CNBD1: variants seen among roughly 807,000 people sequenced by gnomAD.
CNBD1 encodes cyclic nucleotide binding domain containing 1.
A neutral mutation model predicts 54.4 loss-of-function variants in CNBD1; 71 were observed. The observed-to-expected ratio is 1.30, with a 90% confidence interval of 1.08 to 1.59. The LOEUF is 1.59. CNBD1 is among the 40% of genes most tolerant of loss of function. The pLI, the probability that CNBD1 is intolerant of heterozygous loss-of-function variation, is 0.00. For synonymous variants in CNBD1, 182 were observed against 170.7 expected (o/e 1.07, Z -0.51); for missense variants, 659 against 518.0 (o/e 1.27, Z -2.64).
At chr8:87,310,677 G>A (rs1809245990) in intron 8 of CNBD1, among the ~76,000 whole-genome samples, 1 of 152,054 alleles carries the variant, frequency 6.6e-6, no homozygotes, top group South Asian at 2.1e-4. Flanking sequence ...AATAGCCAAT[G>A]CAATTTTAAG....
At chr8:87,168,437 A>G (rs1813011275) in intron 4 of CNBD1, among the ~76,000 whole-genome samples, 1 of 152,022 alleles carries the variant, frequency 6.6e-6, no homozygotes, top group African/African-American at 2.4e-5. Context: ...ACAATCCAAT[A>G]TACTCTTTCA....
intron 4 of CNBD1, among the ~76,000 whole-genome samples, chr8:87,008,711 A>T (rs1197996533): frequency 6.6e-6 from 1 of 152,346 alleles, no homozygotes; most frequent in East Asian, 1.9e-4. Flanking sequence ...CAATAGGAGC[A>T]ATTAAGAAAG....
chr8:86,948,336 T>G (rs573902695), intron 4 of CNBD1, among the ~76,000 whole-genome samples: 17 of 152,166 alleles, frequency 1.1e-4, no homozygotes, highest in Non-Finnish European at 2.4e-4. Flanking sequence ...ACCTCAATAC[T>G]GTTATTCACA....
chr8:87,141,738 G>A (rs973870229), intron 4 of CNBD1, among the ~76,000 whole-genome samples: 1 of 152,012 alleles, frequency 6.6e-6, no homozygotes, highest in African/African-American at 2.4e-5. Context: ...AAAATGGACA[G>A]GATAAATTAG....
chr8:87,348,222 A>G (rs1249061032), intron 8 of CNBD1, among the ~76,000 whole-genome samples: 1 of 152,192 alleles, frequency 6.6e-6, no homozygotes, highest in South Asian at 2.1e-4. Context: ...AGATGCACTT[A>G]TCTTTAAGAA....
chr8:86,910,393 C>T (rs974590831), intron 3 of CNBD1, among the ~76,000 whole-genome samples: 3 of 152,002 alleles, frequency 2.0e-5, no homozygotes, highest in Non-Finnish European at 4.4e-5. Flanking sequence ...ACCTGTAACA[C>T]TGGAGAGAAA....
At chr8:87,425,054 G>T (rs372790999) in intron 2 of CNBD1, among the ~76,000 whole-genome samples, 1 of 151,460 alleles carries the variant, frequency 6.6e-6, no homozygotes, top group Non-Finnish European at 1.5e-5. Context: ...TTTCCTTCTC[G>T]CTTCATTTCA....
intron 4 of CNBD1, among the ~76,000 whole-genome samples, chr8:86,964,180 G>A (rs1025889235): frequency 3.3e-3 from 1 of 302 alleles, no homozygotes; most frequent in East Asian, 0.17. Context: ...TTCTGAGGAA[G>A]GCAGTGGGAC....
chr8:87,165,351 G>C (rs1366545137), intron 4 of CNBD1, among the ~76,000 whole-genome samples: 4 of 151,910 alleles, frequency 2.6e-5, no homozygotes, highest in African/African-American at 7.2e-5. Context: ...TGAAAATGGG[G>C]TATTATAGTC....
At chr8:87,187,889 C>A (rs1813513263) in intron 4 of CNBD1, among the ~76,000 whole-genome samples, 1 of 152,114 alleles carries the variant, frequency 6.6e-6, no homozygotes, top group Non-Finnish European at 1.5e-5. Flanking sequence ...CCCAGTAATT[C>A]CTCTTAATAA....
chr8:87,297,995 T>C (rs1808912830), intron 8 of CNBD1, among the ~76,000 whole-genome samples: 1 of 151,608 alleles, frequency 6.6e-6, no homozygotes, highest in African/African-American at 2.4e-5. Flanking sequence ...CTTATTAATA[T>C]AGACATTAAC....
At chr8:87,245,300 GTATTA>G (rs1254429842) in intron 6 of CNBD1, among the ~76,000 whole-genome samples, 1 of 151,972 alleles carries the variant, frequency 6.6e-6, no homozygotes, top group African/African-American at 2.4e-5. Context: ...TACAACTCTT[GTATTA>G]TAAGAGCAAT....
At chr8:87,153,759 C>A (rs191506602) in intron 4 of CNBD1, among the ~76,000 whole-genome samples, 90 of 152,272 alleles carry the variant, frequency 5.9e-4, no homozygotes, top group East Asian at 1.3e-3. Flanking sequence ...TCTGCACTTA[C>A]ATAGGATTGA....
At chr8:87,118,188 A>T (rs956071836) in intron 4 of CNBD1, among the ~76,000 whole-genome samples, 1 of 151,566 alleles carries the variant, frequency 6.6e-6, no homozygotes, top group African/African-American at 2.4e-5. Flanking sequence ...GGTGGCATGC[A>T]CCTGTAGACC....
intron 4 of CNBD1, among the ~76,000 whole-genome samples, chr8:87,102,647 T>C (rs1452881319): frequency 6.6e-6 from 1 of 152,138 alleles, no homozygotes; most frequent in Non-Finnish European, 1.5e-5. Flanking sequence ...AGAGTCTCAC[T>C]CTGTTGCCCA....
chr8:87,114,261 T>C (rs1291690118), intron 4 of CNBD1, among the ~76,000 whole-genome samples: 4 of 152,226 alleles, frequency 2.6e-5, no homozygotes, highest in African/African-American at 9.6e-5. Context: ...TGAACATAAG[T>C]GATTCAGTAA....
intron 5 of CNBD1, among the ~76,000 whole-genome samples, chr8:87,210,542 C>G (rs1814074698): frequency 6.6e-6 from 1 of 152,200 alleles, no homozygotes; most frequent in African/African-American, 2.4e-5. Context: ...AACCCTGCTG[C>G]CCTGCATAGC....
intron 4 of CNBD1, among the ~76,000 whole-genome samples, chr8:87,025,305 C>G (rs1017622020): frequency 6.6e-6 from 1 of 152,180 alleles, no homozygotes; most frequent in Non-Finnish European, 1.5e-5. Flanking sequence ...CTGGGGCAAC[C>G]TGGGTCCCCT....
chr8:87,264,205 T>C (rs1336876030), intron 6 of CNBD1, among the ~76,000 whole-genome samples: 1 of 151,622 alleles, frequency 6.6e-6, no homozygotes, highest in Non-Finnish European at 1.5e-5. Context: ...TGTCCATGTG[T>C]TCTCTTTGTT....
Sources: gnomAD v4.1 joint callset for allele counts (sites outside exome capture counted in the v4.1 genomes callset) on GRCh38, gnomAD v4.1.1 for gene constraint, MANE v1.5 for transcripts, NCBI Gene and HGNC (gene_info 2026-07-23, HGNC 2026-07-21) for gene names.